LARS2: variants seen among roughly 807,000 people sequenced by gnomAD.
The protein encoded by LARS2 is leucine--tRNA ligase, mitochondrial.
A neutral mutation model predicts 116.6 loss-of-function variants in LARS2; 81 were observed. That is an observed-to-expected ratio of 0.69 (90% CI 0.58 to 0.84). LARS2 has a LOEUF of 0.84. Among genes scored for constraint, LARS2 ranks in the 40% least tolerant of loss-of-function variants. The pLI is 0.00. For synonymous variants in LARS2, 396 were observed against 407.2 expected (o/e 0.97, Z 0.33); for missense variants, 968 against 1,114.5 (o/e 0.87, Z 1.87).
At chr3:45,436,630 T>C (rs1698809093) in intron 6 of LARS2, among the ~76,000 whole-genome samples, 1 of 151,506 alleles carries the variant, frequency 6.6e-6, no homozygotes, top group South Asian at 2.1e-4. Context: ...CCGTCTCTAC[T>C]AAAAATACAA....
Position 45,476,588 on chromosome 3 carries a change from C to T in LARS2, c.979C>T (p.Leu327=). Residue 327 remains leucine (L), a synonymous_variant, in exon 10 of 22, where the codon CTG becomes TTG. Coordinates refer to ENST00000645846, the MANE Select transcript of LARS2 (RefSeq NM_015340.4). ...SHRLLHGHSS[L]KEALRMALVP... ...CAGACTCCTACATGGGCACAGCTCTCTGAAGGAAGCCTTGAGGATGGCCCT... is the reference window on the plus strand; with the variant it reads ...CAGACTCCTACATGGGCACAGCTCTTTGAAGGAAGCCTTGAGGATGGCCCT... 6.2e-7 allele frequency: 1 copy of T among 1,614,154 alleles called. No individual in the cohort carries two copies.
chr3:45,476,223 C>A (rs765918241), intron 9 of LARS2, among the ~76,000 whole-genome samples: 9 of 152,186 alleles, frequency 5.9e-5, no homozygotes, highest in Non-Finnish European at 1.0e-4. Context: ...GGACCACCTT[C>A]AACTTGGGAA....
At chr3:45,451,545 T>A (rs1241634569) in intron 7 of LARS2, among the ~76,000 whole-genome samples, 3 of 152,106 alleles carry the variant, frequency 2.0e-5, no homozygotes, top group Non-Finnish European at 2.9e-5. Context: ...GTTCTCTGTT[T>A]CATTTCATTG....
intron 8 of LARS2, among the ~76,000 whole-genome samples, chr3:45,467,938 A>T (rs7614904): frequency 0.011 from 1,662 of 152,152 alleles, 27 homozygotes; most frequent in African/African-American, 0.038. Flanking sequence ...TACAAAAATT[A>T]ACTGCATGTG....
intron 4 of LARS2, among the ~76,000 whole-genome samples, chr3:45,401,641 A>G (rs1698152991): frequency 6.6e-6 from 1 of 152,160 alleles, no homozygotes; most frequent in South Asian, 2.1e-4. Context: ...TTTTTTTGAG[A>G]CAGGGTCTCA....
At chr3:45,524,791 A>T (rs941474414) in intron 20 of LARS2, among the ~76,000 whole-genome samples, 2 of 152,220 alleles carry the variant, frequency 1.3e-5, no homozygotes, top group African/African-American at 4.8e-5. Context: ...TTTCTTCTAA[A>T]AAAAAGATCT....
intron 14 of LARS2, among the ~76,000 whole-genome samples, chr3:45,500,166 T>G (rs1004409079): frequency 2.0e-5 from 3 of 152,168 alleles, no homozygotes; most frequent in African/African-American, 7.2e-5. Context: ...TACAACTGGC[T>G]AATTTTTGTA....
chr3:45,523,588 G>T (rs1358539364), intron 19 of LARS2, among the ~76,000 whole-genome samples: 1 of 151,310 alleles, frequency 6.6e-6, no homozygotes, highest in African/African-American at 2.4e-5. Context: ...GTGCAGTGGT[G>T]CAGTCATAGC....
At chr3:45,492,105 A>G (rs1005686808) in intron 13 of LARS2, among the ~76,000 whole-genome samples, 1 of 152,234 alleles carries the variant, frequency 6.6e-6, no homozygotes, top group African/African-American at 2.4e-5. Context: ...ACAGCTTTGT[A>G]AAAAACCACT....
At chr3:45,487,969 G>A (rs531476397) in intron 11 of LARS2, among the ~76,000 whole-genome samples, 6 of 152,118 alleles carry the variant, frequency 3.9e-5, no homozygotes, top group Non-Finnish European at 8.8e-5. Context: ...CTGACTGAGT[G>A]GATTTTTCTA....
intron 6 of LARS2, among the ~76,000 whole-genome samples, chr3:45,423,440 G>A (rs1210827459): frequency 2.6e-5 from 4 of 152,150 alleles, no homozygotes; most frequent in Non-Finnish European, 5.9e-5. Context: ...GGCCTCCTCA[G>A]TAGCTGGGAT....
intron 4 of LARS2, among the ~76,000 whole-genome samples, chr3:45,402,495 A>G (rs1461028139): frequency 1.3e-5 from 2 of 152,256 alleles, no homozygotes; most frequent in African/African-American, 2.4e-5. Context: ...TGCTACTATG[A>G]ACCTGTCAGG....
chr3:45,500,931 T>A (rs1700107171), intron 15 of LARS2, among the ~76,000 whole-genome samples: 1 of 152,040 alleles, frequency 6.6e-6, no homozygotes, highest in Non-Finnish European at 1.5e-5. Flanking sequence ...CTCTTGTTCC[T>A]AAGCTTGGCT....
At chr3:45,444,613 G>A (rs1330743342) in intron 6 of LARS2, among the ~76,000 whole-genome samples, 4 of 127,628 alleles carry the variant, frequency 3.1e-5, no homozygotes, top group Non-Finnish European at 6.3e-5. Flanking sequence ...GCAGTGAGCC[G>A]AGATCCCGCC....
intron 20 of LARS2, among the ~76,000 whole-genome samples, chr3:45,529,630 C>T (rs1700585242): frequency 6.6e-6 from 1 of 151,538 alleles, no homozygotes; most frequent in African/African-American, 2.4e-5. Context: ...ACTGTAATTG[C>T]TTGGTCAGAA....
At chr3:45,481,065 C>A (rs1393436114) in intron 10 of LARS2, among the ~76,000 whole-genome samples, 1 of 152,182 alleles carries the variant, frequency 6.6e-6, no homozygotes, top group African/African-American at 2.4e-5. Context: ...GCCTAATCTC[C>A]AGCCCTAGGC....
chr3:45,477,134 T>A (rs1699627435), intron 10 of LARS2, among the ~76,000 whole-genome samples: 2 of 152,332 alleles, frequency 1.3e-5, no homozygotes, highest in South Asian at 4.1e-4. Flanking sequence ...ATACCTGCTT[T>A]ATGAATGGAT....
At chr3:45,441,281 T>A (rs1368706013) in intron 6 of LARS2, among the ~76,000 whole-genome samples, 2 of 152,114 alleles carry the variant, frequency 1.3e-5, no homozygotes, top group East Asian at 1.9e-4. Flanking sequence ...TGCCTTGGCC[T>A]CCCAAAGTGC....
intron 15 of LARS2, among the ~76,000 whole-genome samples, chr3:45,509,075 A>G (rs866962154): frequency 6.6e-5 from 10 of 152,246 alleles, no homozygotes; most frequent in Middle Eastern, 3.4e-3. Context: ...AGCAAGCATG[A>G]TCTACCTCCA....
Sources: gnomAD v4.1 joint callset for allele counts (sites outside exome capture counted in the v4.1 genomes callset) on GRCh38, gnomAD v4.1.1 for gene constraint, MANE v1.5 for transcripts, NCBI Gene and HGNC (gene_info 2026-07-23, HGNC 2026-07-21) for gene names.